Variants in ZNF418 observed in about 807,000 individuals in gnomAD.
ZNF418 encodes the protein zinc finger protein 418.
Under a neutral mutation model 32.0 loss-of-function variants are expected in ZNF418, and 32 were observed. The observed-to-expected ratio is 1.00, with a 90% CI of 0.75 to 1.34. ZNF418 has a LOEUF of 1.34. ZNF418 is among the 40% of genes most tolerant of loss of function. ZNF418 has a pLI of 0.00. For synonymous variants in ZNF418, 276 were observed against 270.7 expected (o/e 1.02, Z -0.19); for missense variants, 804 against 812.5 (o/e 0.99, Z 0.13).
intron 3 of ZNF418, among the ~76,000 whole-genome samples, chr19:57,928,926 G>A (rs1434388564): frequency 3.3e-5 from 5 of 152,088 alleles, no homozygotes; most frequent in Admixed American, 6.5e-5. Context: ...CCCAGGAGGT[G>A]GAGCTTGCAG....
chr19:57,929,421 T>C (rs1035203561), intron 3 of ZNF418, among the ~76,000 whole-genome samples: 1 of 152,126 alleles, frequency 6.6e-6, no homozygotes, highest in Non-Finnish European at 1.5e-5. Context: ...ATCACAATGA[T>C]GAAGTACATG....
At chr19:57,922,743 A>C in intron 5 of ZNF418, 114 bp from the exon 6 acceptor site, 1 of 393,652 alleles carries the variant, frequency 2.5e-6, no homozygotes, top group Non-Finnish European at 4.5e-6. Context: ...CTCATCCTGT[A>C]ATCTTAGCAT....
intron 2 of ZNF418, chr19:57,932,587 C>T (rs566087206): frequency 2.0e-5 from 30 of 1,522,460 alleles, no homozygotes; most frequent in East Asian, 2.5e-5. Context: ...TCTACAATGA[C>T]GACTTTCCTC....
At chr19:57,928,902 G>A (rs1219824496) in intron 3 of ZNF418, among the ~76,000 whole-genome samples, 1 of 152,126 alleles carries the variant, frequency 6.6e-6, no homozygotes, top group African/African-American at 2.4e-5. Flanking sequence ...GCTGAGGCAG[G>A]AGAATGGCGT....
At chr19:57,925,293 T>A (rs2072167490) in intron 4 of ZNF418, among the ~76,000 whole-genome samples, 1 of 152,122 alleles carries the variant, frequency 6.6e-6, no homozygotes, top group Non-Finnish European at 1.5e-5. Context: ...ACCCCATTTC[T>A]ACTAAAAATA....
intron 1 of ZNF418, chr19:57,934,953 C>A (rs956333906): frequency 6.0e-6 from 8 of 1,343,120 alleles, no homozygotes; most frequent in Admixed American, 2.5e-5. Context: ...CCGGGTCTGT[C>A]CTCCAGGCCA....
chr19:57,934,023 T>G, intron 1 of ZNF418, 121 bp from the exon 2 acceptor site: 7 of 1,488,858 alleles, frequency 4.7e-6, no homozygotes, highest in Non-Finnish European at 6.2e-6. Flanking sequence ...CTTCAAAGTA[T>G]GTTTACATGG....
intron 2 of ZNF418, among the ~76,000 whole-genome samples, chr19:57,933,413 C>T (rs1447971263): frequency 1.3e-5 from 2 of 151,424 alleles, no homozygotes; most frequent in Non-Finnish European, 2.9e-5. Flanking sequence ...CCCATCTCTA[C>T]TAAAAATATT....
intron 3 of ZNF418, 62 bp downstream of exon 3, chr19:57,930,366 T>C (rs2072433793): frequency 2.5e-6 from 4 of 1,610,732 alleles, no homozygotes; most frequent in South Asian, 1.1e-5. Context: ...GTCTTGCCAA[T>C]GGGAGAAAAG....
In ZNF418 at chr19:57,935,210, A is replaced by C; in HGVS notation, c.-130T>G. ...CGCCGCCATCCCGAGTACGCGGGGA[A>C]AGCACTGCCGGGAGCGGCGGGCGCC... On this transcript the variant is annotated 5_prime_UTR_variant, in exon 1 of 6. Transcript: ENST00000396147. 1 of 1,281,954 alleles carries C rather than the reference A, an allele frequency of 7.8e-7. No homozygotes were observed. The highest frequency in any genetic ancestry group is 1.0e-6 in the Non-Finnish European group (1 of 996,218). 79.4% of individuals were successfully genotyped at this position (1,281,954 alleles called of 1,614,324 possible).
rs780713233 is a variant in ZNF418, at chr19:57,926,372, C to T, written c.1809G>A (p.Arg603=). ...CRECGKTFTR[R]SAHFKHQRLH... ...GTCTCTGATGTTTAAAATGCGCAGA[C>T]CTTCGAGTAAATGTTTTTCCACATT... Residue 603 remains arginine (R), a synonymous_variant, in exon 4 of 6, where the codon AGG becomes AGA. Coordinates refer to ENST00000396147, the MANE Select transcript of ZNF418 (RefSeq NM_133460.3). 2 of 1,601,472 alleles carry T rather than the reference C, an allele frequency of 1.2e-6. No homozygotes were observed. The highest frequency in any genetic ancestry group is 3.4e-5 in the Admixed American group (2 of 59,382).
At chr19:57,933,736 A>G in intron 2 of ZNF418, 81 bp downstream of exon 2, 1 of 1,578,478 alleles carries the variant, frequency 6.3e-7, no homozygotes, top group East Asian at 2.2e-5. Context: ...AAAAAGGAAA[A>G]TCTAGTTGCC....
rs531830026 is a variant in ZNF418, at chr19:57,929,579, C to T, written c.133+849G>A. ...TGGTCACAAAGGCCACATCACTGGA[C>T]TCCCTATCCTCTTCCTCCTGCCAAT... is the stretch of plus-strand genomic sequence containing the variant. On this transcript the variant is annotated intron_variant, in intron 3 of 5. Coordinates refer to ENST00000396147, the MANE Select transcript of ZNF418 (RefSeq NM_133460.3). 9.6e-4 allele frequency among the ~76,000 whole-genome samples: 147 copies of T among 152,376 alleles called. 1 individual carries two copies. The highest frequency in any genetic ancestry group is 3.3e-3 in the African/African-American group (138 of 41,600).
intron 4 of ZNF418, among the ~76,000 whole-genome samples, chr19:57,923,968 C>T (rs1228365848): frequency 1.3e-5 from 2 of 151,456 alleles, no homozygotes; most frequent in Non-Finnish European, 2.9e-5. Context: ...CTTATTATGG[C>T]TTTAAAGAAT....
At chr19:57,934,648 G>A (rs888249310) in intron 1 of ZNF418, among the ~76,000 whole-genome samples, 86 of 152,262 alleles carry the variant, frequency 5.6e-4, no homozygotes, top group African/African-American at 1.9e-3. Flanking sequence ...ACCTCAGACT[G>A]GTTGACCTGC....
chr19:57,927,586 C>T lies in ZNF418; in HGVS notation c.595G>A (p.Gly199Arg). Residue 199 changes from glycine (G) to arginine (R), a missense_variant, in exon 4 of 6, where the codon GGA becomes AGA. Coordinates refer to ENST00000396147, the MANE Select transcript of ZNF418 (RefSeq NM_133460.3). ...TCTCCACAGCTGTAATGAGTATCTC[C>T]CCACTGAAAGGGAGACTCACACTCA... Reference protein sequence around the residue: ...KPECESPFQWGDTHYSCGECM... With the variant: ...KPECESPFQWRDTHYSCGECM... 6.2e-7 allele frequency: 1 copy of T among 1,614,132 alleles called. No homozygotes were observed.
intron 4 of ZNF418, among the ~76,000 whole-genome samples, chr19:57,923,492 A>G (rs985605222): frequency 2.7e-5 from 4 of 150,662 alleles, no homozygotes; most frequent in African/African-American, 9.8e-5. Flanking sequence ...ACATACATGT[A>G]TATACATATA....
chr19:57,932,209 C>T (rs754893612), intron 2 of ZNF418, among the ~76,000 whole-genome samples: 2 of 152,202 alleles, frequency 1.3e-5, no homozygotes, highest in Non-Finnish European at 1.5e-5. Context: ...TAACCAGAAA[C>T]TGTGCCTGAT....
In ZNF418 at chr19:57,926,178, ACT is replaced by A. The variant is rs1349226923; in HGVS notation, c.2001_2002del (p.Arg667SerfsTer109). 1.2e-6 allele frequency: 2 copies of A among 1,612,590 alleles called. No individual in the cohort carries two copies. On this transcript the variant is annotated frameshift_variant, in exon 4 of 6. Coordinates refer to ENST00000396147, the MANE Select transcript of ZNF418 (RefSeq NM_133460.3). LOFTEE classifies it low-confidence loss of function (END_TRUNC). Reference sequence around the variant, plus strand: ...CTTGTAAGGACTTCTTTCTGTGTGAACTCTCTGATGTCGAAGGAGAGAAGAGC... The same window carrying A: ...CTTGTAAGGACTTCTTTCTGTGTGAACTCTGATGTCGAAGGAGAGAAGAGC...
Sources: allele counts gnomAD v4.1 joint callset (sites outside exome capture counted in the v4.1 genomes callset), GRCh38; gene constraint gnomAD v4.1.1; transcripts MANE v1.5; gene names NCBI Gene and HGNC (gene_info 2026-07-23, HGNC 2026-07-21).